The following PHC2 variants were observed in gnomAD, a reference collection of about 807,000 sequenced individuals.
PHC2 encodes polyhomeotic-like protein 2.
PHC2 carries 29 observed loss-of-function variants against 87.4 expected under a neutral mutation model. The ratio of observed to expected loss-of-function variants is 0.33; its 90% CI spans 0.25 to 0.45. The LOEUF is 0.45. Among genes scored for constraint, PHC2 ranks in the 20% least tolerant of loss-of-function variants. The pLI, the probability that PHC2 is intolerant of heterozygous loss-of-function variation, is 1.00. For missense variants in PHC2, 857 were observed against 1,136.7 expected (o/e 0.75, Z 3.54); for synonymous variants, 438 against 461.7 (o/e 0.95, Z 0.66).
At chr1:33,375,924 T>C (rs1648154881) in intron 1 of PHC2, among the ~76,000 whole-genome samples, 1 of 152,234 alleles carries the variant, frequency 6.6e-6, no homozygotes, top group Admixed American at 6.5e-5. Context: ...TGAGCTTCCA[T>C]GAATGTTGGC....
intron 13 of PHC2, among the ~76,000 whole-genome samples, chr1:33,329,353 G>GAA (rs2148189229): frequency 6.6e-6 from 1 of 152,252 alleles, no homozygotes; most frequent in Non-Finnish European, 1.5e-5. Context: ...ACACAATACT[G>GAA]CAATTATCTT....
chr1:33,402,954 G>A (rs1011871790), intron 1 of PHC2, among the ~76,000 whole-genome samples: 30 of 150,240 alleles, frequency 2.0e-4, no homozygotes, highest in South Asian at 4.2e-4. Context: ...GACTACAGGC[G>A]CCTGCCACCA....
At chr1:33,386,244 G>GCGGT (rs1648741812) in intron 1 of PHC2, among the ~76,000 whole-genome samples, 1 of 151,856 alleles carries the variant, frequency 6.6e-6, no homozygotes. Context: ...CTGGCTGAGT[G>GCGGT]CGGTGGCTTA....
At position 33,370,543 on chromosome 1, in the gene PHC2, G is replaced by T. The variant is rs779747648; in HGVS notation, c.454C>A (p.Arg152=). Residue 152 remains arginine, a synonymous_variant, in exon 5 of 15, where the codon CGG becomes AGG. Transcript: ENST00000683057. The stretch of plus-strand genomic sequence containing the variant: ...GCTGCAGAGTTCACACTCTGGGCCC[G>T]GTTGAGGAGCTGGGCTGCTGCTGGG... ...ASPAAAQLLN[R]AQSVNSAAAS... is the part of the protein sequence containing the mutation. 6.2e-7 allele frequency: 1 copy of T among 1,613,980 alleles called. No homozygotes were observed. The highest frequency in any genetic ancestry group is 2.2e-5 in the East Asian group (1 of 44,870).
chr1:33,390,155 A>G (rs1472587575), intron 1 of PHC2, among the ~76,000 whole-genome samples: 2 of 152,146 alleles, frequency 1.3e-5, no homozygotes, highest in East Asian at 1.9e-4. Flanking sequence ...CTGGGCAACC[A>G]TGGGGCAGGT....
intron 7 of PHC2, among the ~76,000 whole-genome samples, chr1:33,356,291 A>ATATT (rs1253973971): frequency 4.1e-4 from 57 of 139,570 alleles, no homozygotes; most frequent in African/African-American, 1.4e-3. Flanking sequence ...ATATATATAT[A>ATATT]TATTTATTTA....
Position 33,349,757 on chromosome 1 carries a change from C to T in PHC2, c.1558+4644G>A. ...GCCGCGGCGCATCCGACCGCACCGGCCTGGCCGGCGTCAACAAAGGGCGGC... is the reference window on the plus strand; with the variant it reads ...GCCGCGGCGCATCCGACCGCACCGGTCTGGCCGGCGTCAACAAAGGGCGGC... On this transcript the variant is annotated intron_variant, in intron 9 of 14. Coordinates refer to ENST00000683057, the MANE Select transcript of PHC2 (RefSeq NM_001385109.1). The surrounding 1 kb of genome is among the most constrained non-coding windows in gnomAD (Gnocchi z 4.2). The T allele has an allele frequency of 1.0e-6, 1 of 982,672 alleles. No individual in the cohort carries two copies. Among genetic ancestry groups the T allele is most frequent in the Non-Finnish European group, 1.2e-6 (1 of 829,230 alleles). The allele number at this position is 982,672 out of a possible 1,614,324, so 60.9% of individuals were successfully genotyped here. A position where few individuals can be genotyped will look rare whatever the true frequency, so the allele number is the denominator to read the frequency against.
At chr1:33,419,201 A>G (rs1381293818) in intron 1 of PHC2, among the ~76,000 whole-genome samples, 1 of 152,246 alleles carries the variant, frequency 6.6e-6, no homozygotes, top group Non-Finnish European at 1.5e-5. Flanking sequence ...TATACATGTT[A>G]TATTAGTTGG....
chr1:33,395,211 A>T (rs566963466), intron 1 of PHC2, among the ~76,000 whole-genome samples: 2 of 152,240 alleles, frequency 1.3e-5, no homozygotes, highest in African/African-American at 4.8e-5. Context: ...TACATACTAC[A>T]TGGTTCTATT....
At chr1:33,397,799 G>A (rs1304998214) in intron 1 of PHC2, among the ~76,000 whole-genome samples, 2 of 152,052 alleles carry the variant, frequency 1.3e-5, no homozygotes, top group African/African-American at 4.8e-5. Context: ...ATACTGATGC[G>A]ACAAAGGAAA....
intron 1 of PHC2, among the ~76,000 whole-genome samples, chr1:33,425,479 G>A (rs1000475767): frequency 2.6e-4 from 40 of 152,212 alleles, no homozygotes; most frequent in Admixed American, 2.3e-3. Flanking sequence ...AGGAACTGAA[G>A]TTAAGGGTAT....
rs1311308083 is a variant in PHC2, at chr1:33,346,203, T to C, written c.1558+8198A>G. 8.3e-6 allele frequency: 8 copies of C among 968,054 alleles called. No individual in the cohort carries two copies. The South Asian group carries it at 3.9e-4, about 47-fold the overall frequency. 60.0% of individuals were successfully genotyped at this position (968,054 alleles called of 1,614,324 possible). On this transcript the variant is annotated intron_variant, in intron 9 of 14. Transcript: ENST00000683057. ...TGCATAACGCAGTCAGTTCTCACCC[T>C]GCTTTCCCATAGGGCTGGGGACTGG...
intron 9 of PHC2, among the ~76,000 whole-genome samples, chr1:33,335,677 G>A (rs1212277497): frequency 6.6e-6 from 1 of 152,190 alleles, no homozygotes; most frequent in African/African-American, 2.4e-5. Flanking sequence ...CGAGGCGGGT[G>A]GATCACCAGG....
At chr1:33,398,589 T>G (rs1456567273) in intron 1 of PHC2, among the ~76,000 whole-genome samples, 1 of 152,202 alleles carries the variant, frequency 6.6e-6, no homozygotes, top group Non-Finnish European at 1.5e-5. Context: ...AACATCACAG[T>G]ATTCTTAGCA....
chr1:33,424,104 AAAAAAAACAAAAAAAAC>A (rs1650570266), intron 1 of PHC2, among the ~76,000 whole-genome samples: 3 of 151,782 alleles, frequency 2.0e-5, no homozygotes, highest in Admixed American at 6.6e-5. Flanking sequence ...TCTCAAAAAA[AAAAAAAACAAAAAAAAC>A]AAAAAACAAA....
intron 1 of PHC2, among the ~76,000 whole-genome samples, chr1:33,380,515 C>T (rs1648442882): frequency 6.6e-6 from 1 of 152,190 alleles, no homozygotes; most frequent in South Asian, 2.1e-4. Context: ...ATTTCTTTCC[C>T]TTTGATAGCT....
rs1397188362 is a variant in PHC2 at position 33,354,262 on chromosome 1, C to G, written c.1558+139G>C. 1.0e-4 allele frequency: 75 copies of G among 727,294 alleles called. 1 individual carries two copies. The highest frequency in any genetic ancestry group is 1.6e-5 in the Non-Finnish European group (7 of 441,442). 45.1% of individuals were successfully genotyped at this position (727,294 alleles called of 1,614,324 possible). On this transcript the variant is annotated intron_variant, in intron 9 of 14. Transcript: ENST00000683057. ...ATCCCTGGTTCATCTTCTCACATCC[C>G]TCCTCTGTTTCCAACCCCCCAGCTT... is the stretch of plus-strand genomic sequence containing the variant.
chr1:33,375,282 C>A (rs1390079227), intron 2 of PHC2, 84 bp downstream of exon 2: 2 of 1,157,086 alleles, frequency 1.7e-6, no homozygotes, highest in Non-Finnish European at 1.2e-6. Context: ...TCTAGATTAT[C>A]CCACCAGACC....
intron 9 of PHC2, among the ~76,000 whole-genome samples, chr1:33,338,480 T>C (rs1189286572): frequency 6.6e-6 from 1 of 152,182 alleles, no homozygotes; most frequent in African/African-American, 2.4e-5. Context: ...TGTAGACCAA[T>C]AGCTCCTCAT....
Sources: gnomAD v4.1 joint callset for allele counts (sites outside exome capture counted in the v4.1 genomes callset) on GRCh38, gnomAD v4.1.1 for gene constraint, Gnocchi (gnomAD v3.1) non-coding constraint, MANE v1.5 for transcripts, NCBI Gene and HGNC (gene_info 2026-07-23, HGNC 2026-07-21) for gene names.